Variants in STMND1 observed in about 807,000 individuals in gnomAD.
STMND1 encodes the protein stathmin domain-containing protein 1.
Under a neutral mutation model 23.0 loss-of-function variants are expected in STMND1, and 17 were observed. The observed-to-expected ratio is 0.74, with a 90% CI of 0.51 to 1.11. STMND1 has a LOEUF of 1.11. STMND1 is among the 50% of genes least tolerant of loss of function. STMND1 has a pLI of 0.00. For synonymous variants in STMND1, 114 were observed against 119.9 expected (o/e 0.95, Z 0.32); for missense variants, 305 against 329.1 (o/e 0.93, Z 0.57).
At chr6:17,119,116 G>T (rs187647412) in intron 2 of STMND1, among the ~76,000 whole-genome samples, 1 of 152,106 alleles carries the variant, frequency 6.6e-6, no homozygotes, top group South Asian at 2.1e-4. Flanking sequence ...TGACCTCCCC[G>T]TATGACATGT....
chr6:17,122,650 T>C (rs1381144926), intron 3 of STMND1, among the ~76,000 whole-genome samples: 1 of 151,060 alleles, frequency 6.6e-6, no homozygotes, highest in Non-Finnish European at 1.5e-5. Flanking sequence ...CAGAAAGTAT[T>C]TGGGGGAAAG....
intron 2 of STMND1, among the ~76,000 whole-genome samples, chr6:17,117,860 G>A (rs977488584): frequency 2.0e-5 from 3 of 146,348 alleles, no homozygotes; most frequent in African/African-American, 7.6e-5. Context: ...TTTTTTTTTA[G>A]TAGAGACGGA....
chr6:17,111,055 A>G (rs1761091042), intron 1 of STMND1, among the ~76,000 whole-genome samples: 1 of 152,220 alleles, frequency 6.6e-6, no homozygotes, highest in South Asian at 2.1e-4. Flanking sequence ...CTAAAAATAA[A>G]TGACAGTTCT....
chr6:17,125,821 G>A (rs1761287684), intron 3 of STMND1, among the ~76,000 whole-genome samples: 3 of 151,726 alleles, frequency 2.0e-5, no homozygotes, highest in South Asian at 4.2e-4. Flanking sequence ...AAAGCTCTGA[G>A]GAATACACAG....
intron 1 of STMND1, among the ~76,000 whole-genome samples, chr6:17,109,422 C>A (rs1761069980): frequency 6.6e-6 from 1 of 152,300 alleles, no homozygotes; most frequent in Non-Finnish European, 1.5e-5. Context: ...CAGACACCAC[C>A]ATAACCTAGC....
rs1357721142 is a variant in STMND1 at position 17,102,135 on chromosome 6, A to C, written c.-123A>C. 6.3e-6 allele frequency: 6 copies of C among 952,294 alleles called. No individual in the cohort carries two copies. Among genetic ancestry groups the C allele is most frequent in the South Asian group, 2.6e-5 (1 of 38,196 alleles). 59.0% of individuals were successfully genotyped at this position (952,294 alleles called of 1,614,324 possible). The stretch of plus-strand genomic sequence containing the variant: ...GGAGAGGCGGGTGGCGCCCGAGCGC[A>C]GTAGCAGGGGCGTAGGGCGCAGGGC... On this transcript the variant is annotated 5_prime_UTR_variant, in exon 1 of 5. Coordinates refer to ENST00000536551, the MANE Select transcript of STMND1 (RefSeq NM_001190766.2).
chr6:17,115,999 G>A (rs1044399514), intron 2 of STMND1, among the ~76,000 whole-genome samples: 4 of 152,164 alleles, frequency 2.6e-5, no homozygotes, highest in Admixed American at 6.5e-5. Context: ...CACAGGAATG[G>A]ACTCTCCCTC....
At chr6:17,126,064 ATATATATTTTTTT>A (rs1388095463) in intron 3 of STMND1, among the ~76,000 whole-genome samples, 37 of 23,680 alleles carry the variant, frequency 1.6e-3, no homozygotes, top group Middle Eastern at 0.029. Flanking sequence ...ATATATATAT[ATATATATTTTTTT>A]TTTTTTTTTT....
chr6:17,107,500 G>A (rs1009187250), intron 1 of STMND1, among the ~76,000 whole-genome samples: 1 of 152,086 alleles, frequency 6.6e-6, no homozygotes, highest in African/African-American at 2.4e-5. Context: ...GGAAAAAATA[G>A]AACATTCTAC....
chr6:17,130,932 CATTTGTA>C lies in STMND1; in HGVS notation c.*52_*58del. On this transcript the variant is annotated 3_prime_UTR_variant, in exon 5 of 5. Transcript: ENST00000536551. ...AAGCATTCATTCTCCCCATTTGTGA[CATTTGTA>C]GTATGTCTCATATTCTTTGACTGAC... 1 of 1,439,892 alleles carries C rather than the reference CATTTGTA, an allele frequency of 6.9e-7. No individual in the cohort carries two copies. The highest frequency in any genetic ancestry group is 9.2e-7 in the Non-Finnish European group (1 of 1,084,958). The allele number at this position is 1,439,892 out of a possible 1,614,324, so 89.2% of individuals were successfully genotyped here.
At chr6:17,128,244 G>A (rs953383803) in intron 3 of STMND1, 6 of 152,172 alleles carry the variant, frequency 3.9e-5, no homozygotes, top group Non-Finnish European at 5.9e-5. Context: ...ACTGTTGAAA[G>A]GGTAGTTGAT....
intron 1 of STMND1, among the ~76,000 whole-genome samples, chr6:17,105,458 C>A (rs1038608580): frequency 6.6e-6 from 1 of 151,412 alleles, no homozygotes; most frequent in Admixed American, 6.6e-5. Context: ...CCAACCTGAC[C>A]AACATGGAGA....
chr6:17,122,369 T>A (rs144943627), intron 3 of STMND1, among the ~76,000 whole-genome samples: 3 of 150,816 alleles, frequency 2.0e-5, no homozygotes, highest in African/African-American at 7.3e-5. Flanking sequence ...AGAGAATAAA[T>A]GAATGAAAAA....
At chr6:17,102,924 G>GTT (rs1450689250) in intron 1 of STMND1, among the ~76,000 whole-genome samples, 2 of 152,186 alleles carry the variant, frequency 1.3e-5, no homozygotes, top group East Asian at 3.9e-4. Context: ...GTAGAATTTA[G>GTT]TTTTCAAGAG....
At chr6:17,111,493 AC>A (rs977369508) in intron 1 of STMND1, among the ~76,000 whole-genome samples, 3 of 152,150 alleles carry the variant, frequency 2.0e-5, no homozygotes, top group Non-Finnish European at 4.4e-5. Context: ...CTTCAGTAGG[AC>A]TTGGTTAAAT....
chr6:17,126,619 C>T (rs960408642), intron 3 of STMND1, among the ~76,000 whole-genome samples: 10 of 152,088 alleles, frequency 6.6e-5, no homozygotes, highest in African/African-American at 2.2e-4. Flanking sequence ...GTTGAGCCAC[C>T]GTAGCAAGTA....
chr6:17,104,659 C>A (rs767331351), intron 1 of STMND1, among the ~76,000 whole-genome samples: 15 of 152,200 alleles, frequency 9.9e-5, no homozygotes, highest in Non-Finnish European at 1.9e-4. Flanking sequence ...ACCTGACCTC[C>A]TCCTCTAATC....
chr6:17,121,733 A>G (rs760379930), intron 3 of STMND1, among the ~76,000 whole-genome samples: 1 of 152,164 alleles, frequency 6.6e-6, no homozygotes, highest in Non-Finnish European at 1.5e-5. Flanking sequence ...ATTAAATAGA[A>G]TTTCAGAAAT....
chr6:17,102,124 C>T lies in STMND1; in HGVS notation c.-134C>T. On this transcript the variant is annotated 5_prime_UTR_variant, in exon 1 of 5. Transcript: ENST00000536551. ...CGCGGGAAGTGGGAGAGGCGGGTGG[C>T]GCCCGAGCGCAGTAGCAGGGGCGTA... 1.2e-6 allele frequency: 1 copy of T among 843,380 alleles called. No individual in the cohort carries two copies. Among genetic ancestry groups the T allele is most frequent in the Non-Finnish European group, 1.6e-6 (1 of 612,362 alleles). The allele number at this position is 843,380 out of a possible 1,614,324, so 52.2% of individuals were successfully genotyped here. A position where few individuals can be genotyped will look rare whatever the true frequency, so the allele number is the denominator to read the frequency against.
Sources: gnomAD v4.1 joint callset for allele counts (sites outside exome capture counted in the v4.1 genomes callset) on GRCh38, gnomAD v4.1.1 for gene constraint, MANE v1.5 for transcripts, NCBI Gene and HGNC (gene_info 2026-07-23, HGNC 2026-07-21) for gene names.